SLC35F1: variants seen among roughly 807,000 people sequenced by gnomAD.
SLC35F1 encodes solute carrier family 35 member F1.
A neutral mutation model predicts 48.7 loss-of-function variants in SLC35F1; 14 were observed. The ratio of observed to expected loss-of-function variants is 0.29; its 90% confidence interval spans 0.19 to 0.45. SLC35F1 has a LOEUF of 0.45. Ranked by LOEUF, SLC35F1 falls within the 20% of genes least tolerant of loss-of-function variation. SLC35F1 has a pLI of 1.00. For missense variants in SLC35F1, 404 were observed against 500.0 expected (o/e 0.81, Z 1.83); for synonymous variants, 190 against 202.2 (o/e 0.94, Z 0.51).
At position 118,133,586 on chromosome 6, in the gene SLC35F1, C is replaced by T. The variant is rs78152970; in HGVS notation, c.174-20859C>T. 2.5e-3 allele frequency among the ~76,000 whole-genome samples: 384 copies of T among 152,230 alleles called. 1 individual carries two copies. The highest frequency in any genetic ancestry group is 6.8e-3 in the Middle Eastern group (2 of 294). On this transcript the variant is annotated intron_variant, in intron 1 of 7. Coordinates refer to ENST00000360388, the MANE Select transcript of SLC35F1 (RefSeq NM_001029858.4). Reference sequence around the variant, plus strand: ...ATTTCCAGAGAGAAGAACATTTTCTCATGATTTTCATTTTGGAGTTAAATT... The same window carrying T: ...ATTTCCAGAGAGAAGAACATTTTCTTATGATTTTCATTTTGGAGTTAAATT...
At chr6:118,282,939 T>A (rs920128796) in intron 6 of SLC35F1, among the ~76,000 whole-genome samples, 91 of 152,262 alleles carry the variant, frequency 6.0e-4, no homozygotes, top group Middle Eastern at 3.4e-3. Context: ...CTCCTTCCAA[T>A]CCCTTCTCCA....
chr6:118,180,869 A>G (rs1311046629), intron 2 of SLC35F1, among the ~76,000 whole-genome samples: 2 of 152,076 alleles, frequency 1.3e-5, no homozygotes, highest in Admixed American at 6.6e-5. Context: ...CAAGGTATTC[A>G]CTGCATTTAG....
At chr6:118,179,055 A>G (rs1774534290) in intron 2 of SLC35F1, among the ~76,000 whole-genome samples, 1 of 152,118 alleles carries the variant, frequency 6.6e-6, no homozygotes, top group Non-Finnish European at 1.5e-5. Flanking sequence ...TATACCCCTT[A>G]TACACTGAGA....
chr6:118,014,228 TAGTAC>T (rs1424447782), intron 1 of SLC35F1, among the ~76,000 whole-genome samples: 2 of 152,204 alleles, frequency 1.3e-5, no homozygotes, highest in African/African-American at 4.8e-5. Context: ...AGTGAACACT[TAGTAC>T]ATATAACCTA....
chr6:118,180,387 C>A (rs555998102), intron 2 of SLC35F1, among the ~76,000 whole-genome samples: 2 of 151,644 alleles, frequency 1.3e-5, no homozygotes, highest in Non-Finnish European at 2.9e-5. Flanking sequence ...CAGAAACAGA[C>A]CTGCAAAGAT....
At chr6:117,956,673 C>A (rs1305515076) in intron 1 of SLC35F1, among the ~76,000 whole-genome samples, 1 of 152,106 alleles carries the variant, frequency 6.6e-6, no homozygotes, top group Non-Finnish European at 1.5e-5. Context: ...ATTGCAGAGG[C>A]CATTTTAAAG....
chr6:118,182,270 G>C (rs1264197893), intron 2 of SLC35F1, among the ~76,000 whole-genome samples: 2 of 151,522 alleles, frequency 1.3e-5, no homozygotes, highest in Non-Finnish European at 2.9e-5. Flanking sequence ...TGGATCACTT[G>C]AGCCCAGGAA....
Position 118,185,832 on chromosome 6 carries a change from G to T in SLC35F1, c.349+31212G>T, listed in dbSNP as rs957248124. Reference sequence around the variant, plus strand: ...AAGTTCTGTGATGTCAAAGATTGGGGTTTTTTTGTTGATTACAACAAGCAC... The same window carrying T: ...AAGTTCTGTGATGTCAAAGATTGGGTTTTTTTTGTTGATTACAACAAGCAC... On this transcript the variant is annotated intron_variant, in intron 2 of 7. Coordinates refer to ENST00000360388, the MANE Select transcript of SLC35F1 (RefSeq NM_001029858.4). Among the ~76,000 whole-genome samples the T allele has an allele frequency of 2.6e-5, 4 of 152,120 alleles. No individual in the cohort carries two copies. In the South Asian group the frequency reaches 6.2e-4, roughly 24 times the overall value.
chr6:117,989,057 A>G (rs1430692121), intron 1 of SLC35F1, among the ~76,000 whole-genome samples: 1 of 152,234 alleles, frequency 6.6e-6, no homozygotes, highest in Non-Finnish European at 1.5e-5. Flanking sequence ...GGTAGTACCC[A>G]GGGAGCTGAC....
chr6:118,154,301 G>A (rs1047209400), intron 1 of SLC35F1, 144 bp from the exon 2 acceptor site: 1 of 650,750 alleles, frequency 1.5e-6, no homozygotes, highest in East Asian at 2.9e-5. Context: ...CTTCCTCGAG[G>A]GATTGCTTTG....
chr6:117,951,885 C>T (rs567218751), intron 1 of SLC35F1, among the ~76,000 whole-genome samples: 2 of 152,278 alleles, frequency 1.3e-5, no homozygotes, highest in South Asian at 4.1e-4. Context: ...CAATGGACTG[C>T]GCCTAAAGCT....
At chr6:118,093,446 GA>G (rs1773105545) in intron 1 of SLC35F1, among the ~76,000 whole-genome samples, 2 of 152,166 alleles carry the variant, frequency 1.3e-5, no homozygotes, top group South Asian at 4.1e-4. Flanking sequence ...TCTTGGGAGG[GA>G]CCTATGGGAG....
intron 2 of SLC35F1, among the ~76,000 whole-genome samples, chr6:118,202,702 A>G (rs1774887309): frequency 1.3e-5 from 2 of 152,150 alleles, no homozygotes; most frequent in African/African-American, 4.8e-5. Context: ...GTGAAAGGAG[A>G]CAGACAACCA....
chr6:118,093,051 C>T (rs189113939), intron 1 of SLC35F1, among the ~76,000 whole-genome samples: 1 of 152,250 alleles, frequency 6.6e-6, no homozygotes, highest in Non-Finnish European at 1.5e-5. Context: ...GGCACGGTGG[C>T]TCATGCCTGT....
At chr6:118,160,188 C>T (rs1308577501) in intron 2 of SLC35F1, among the ~76,000 whole-genome samples, 5 of 152,088 alleles carry the variant, frequency 3.3e-5, no homozygotes, top group Non-Finnish European at 7.4e-5. Flanking sequence ...TATATACAGA[C>T]CCTGAAAATA....
intron 2 of SLC35F1, among the ~76,000 whole-genome samples, chr6:118,181,447 A>G (rs560829093): frequency 6.6e-6 from 1 of 152,256 alleles, no homozygotes; most frequent in Non-Finnish European, 1.5e-5. Flanking sequence ...ATAGAAATAG[A>G]ACCCCTAATT....
intron 3 of SLC35F1, among the ~76,000 whole-genome samples, chr6:118,239,554 G>C (rs1447913098): frequency 6.6e-6 from 1 of 150,736 alleles, no homozygotes; most frequent in Non-Finnish European, 1.5e-5. Context: ...AGTTCAGTGA[G>C]TTTTTTTTTA....
intron 1 of SLC35F1, among the ~76,000 whole-genome samples, chr6:118,035,490 C>T (rs1196136449): frequency 1.3e-5 from 2 of 150,846 alleles, no homozygotes; most frequent in Non-Finnish European, 3.0e-5. Context: ...GGCACATGCC[C>T]GTAATCCCAG....
chr6:118,282,268 T>C (rs927848285), intron 6 of SLC35F1, among the ~76,000 whole-genome samples: 1 of 152,224 alleles, frequency 6.6e-6, no homozygotes, highest in Non-Finnish European at 1.5e-5. Context: ...GCAACGATAC[T>C]GCATTCCAAC....
Sources: allele counts gnomAD v4.1 joint callset (sites outside exome capture counted in the v4.1 genomes callset), GRCh38; gene constraint gnomAD v4.1.1; transcripts MANE v1.5; gene names NCBI Gene and HGNC (gene_info 2026-07-23, HGNC 2026-07-21).